Variants in ANKRD17 observed in about 807,000 individuals in gnomAD.
ANKRD17 encodes ankyrin repeat domain-containing protein 17.
Under a neutral mutation model 229.7 loss-of-function variants are expected in ANKRD17, and 19 were observed. The ratio of observed to expected loss-of-function variants is 0.08; its 90% CI spans 0.06 to 0.12. ANKRD17 has a LOEUF of 0.12. ANKRD17 is among the 10% of genes least tolerant of loss of function. The probability of loss-of-function intolerance (pLI) is 1.00; values close to 1 mark genes in which losing one functional copy is unlikely to be tolerated. For synonymous variants in ANKRD17, 1,112 were observed against 1,146.1 expected (o/e 0.97, Z 0.60); for missense variants, 2,176 against 3,176.8 (o/e 0.68, Z 7.57).
intron 21 of ANKRD17, among the ~76,000 whole-genome samples, chr4:73,119,752 G>A (rs1479352889): frequency 6.6e-6 from 1 of 152,206 alleles, no homozygotes; most frequent in Admixed American, 6.5e-5. Context: ...GATCCTGTCT[G>A]TTTATCTTAA....
chr4:73,149,600 C>T (rs1560599717), intron 7 of ANKRD17, among the ~76,000 whole-genome samples: 1 of 152,088 alleles, frequency 6.6e-6, no homozygotes, highest in African/African-American at 2.4e-5. Context: ...GGTGTGGTGG[C>T]TCACGCCTGT....
intron 1 of ANKRD17, among the ~76,000 whole-genome samples, chr4:73,183,485 ACT>A (rs1227184860): frequency 1.3e-5 from 2 of 151,978 alleles, no homozygotes; most frequent in African/African-American, 2.4e-5. Flanking sequence ...ACAGGGTCTC[ACT>A]CTGTCACGCA....
At chr4:73,222,593 T>C (rs943493984) in intron 1 of ANKRD17, among the ~76,000 whole-genome samples, 1 of 152,210 alleles carries the variant, frequency 6.6e-6, no homozygotes, top group Admixed American at 6.5e-5. Flanking sequence ...TAGGCTTAGA[T>C]ATGTAAATGA....
chr4:73,224,896 C>T (rs905172715), intron 1 of ANKRD17, among the ~76,000 whole-genome samples: 5 of 152,224 alleles, frequency 3.3e-5, no homozygotes, highest in East Asian at 1.9e-4. Flanking sequence ...TCTCATTTTA[C>T]GAATAAGGGA....
At chr4:73,192,190 A>T (rs1737203934) in intron 1 of ANKRD17, among the ~76,000 whole-genome samples, 1 of 152,068 alleles carries the variant, frequency 6.6e-6, no homozygotes, top group African/African-American at 2.4e-5. Context: ...ATATAAGTTC[A>T]CTTGGACAAA....
intron 1 of ANKRD17, among the ~76,000 whole-genome samples, chr4:73,210,913 A>G (rs1350645021): frequency 6.6e-6 from 1 of 151,988 alleles, no homozygotes; most frequent in African/African-American, 2.4e-5. Context: ...AAGTTTAATA[A>G]CTGTATATTA....
At chr4:73,163,713 T>C (rs891709652) in intron 2 of ANKRD17, among the ~76,000 whole-genome samples, 2 of 152,258 alleles carry the variant, frequency 1.3e-5, no homozygotes, top group Admixed American at 1.3e-4. Flanking sequence ...GGGGTAAGCA[T>C]GCTTTATAGC....
intron 1 of ANKRD17, among the ~76,000 whole-genome samples, chr4:73,254,620 T>A (rs964621658): frequency 6.6e-6 from 1 of 151,750 alleles, no homozygotes; most frequent in Non-Finnish European, 1.5e-5. Flanking sequence ...ATACAAAAAT[T>A]AGCCAGGCCT....
intron 2 of ANKRD17, among the ~76,000 whole-genome samples, chr4:73,177,090 T>C (rs536238503): frequency 1.3e-5 from 2 of 152,298 alleles, no homozygotes; most frequent in Admixed American, 6.5e-5. Context: ...TTAAAATGCA[T>C]TTTTGCAGGT....
chr4:73,091,528 C>G lies in ANKRD17; in HGVS notation c.6100G>C (p.Ala2034Pro). ...GATGATACTGGATAGTGTTCTTTGGCAGTAGGCATAGGATATGTGGCATTT... is the reference window on the plus strand; with the variant it reads ...GATGATACTGGATAGTGTTCTTTGGGAGTAGGCATAGGATATGTGGCATTT... ...PTNATYPMPT[A>P]KEHYPVSSPS... Residue 2034 changes from alanine (A) to proline (P), a missense_variant, in exon 29 of 34, where the codon GCC becomes CCC. By Grantham distance (27) the Ala-to-Pro change is conservative. This residue lies in a region of ANKRD17 where 424 missense variants were observed against 454.0 expected (regional missense o/e 0.93). Coordinates refer to ENST00000358602, the MANE Select transcript of ANKRD17 (RefSeq NM_032217.5). The G allele has an allele frequency of 6.2e-7, 1 of 1,614,102 alleles. No individual in the cohort carries two copies. The highest frequency in any genetic ancestry group is 1.1e-5 in the South Asian group (1 of 91,068).
intron 24 of ANKRD17, among the ~76,000 whole-genome samples, chr4:73,105,224 G>A (rs1724472766): frequency 6.6e-6 from 1 of 151,954 alleles, no homozygotes; most frequent in Non-Finnish European, 1.5e-5. Flanking sequence ...TGGATCAACA[G>A]ATACAGGATT....
At chr4:73,211,506 C>T (rs923741115) in intron 1 of ANKRD17, among the ~76,000 whole-genome samples, 7 of 152,132 alleles carry the variant, frequency 4.6e-5, no homozygotes, top group Non-Finnish European at 1.0e-4. Flanking sequence ...TACACACTAT[C>T]ATCTCAAACT....
At chr4:73,148,615 C>T (rs898125784) in intron 8 of ANKRD17, among the ~76,000 whole-genome samples, 198 bp downstream of exon 8, 5 of 152,118 alleles carry the variant, frequency 3.3e-5, no homozygotes, top group Admixed American at 6.5e-5. Context: ...TCTCTGAAAG[C>T]TCTATATGAA....
chr4:73,174,414 G>A (rs1734463211), intron 2 of ANKRD17, among the ~76,000 whole-genome samples: 1 of 152,086 alleles, frequency 6.6e-6, no homozygotes, highest in Non-Finnish European at 1.5e-5. Context: ...TAGCAAAACT[G>A]GCAGAGAAGG....
intron 25 of ANKRD17, among the ~76,000 whole-genome samples, chr4:73,100,498 A>G (rs909840975): frequency 4.0e-5 from 6 of 150,916 alleles, no homozygotes; most frequent in Admixed American, 2.6e-4. Context: ...TTTCTCGGAG[A>G]AAAAAAAATT....
At chr4:73,248,029 T>C (rs1035931367) in intron 1 of ANKRD17, among the ~76,000 whole-genome samples, 5 of 152,044 alleles carry the variant, frequency 3.3e-5, no homozygotes, top group African/African-American at 1.2e-4. Flanking sequence ...ATTTAAAATC[T>C]TAAGAATTTT....
intron 1 of ANKRD17, among the ~76,000 whole-genome samples, chr4:73,254,769 C>CA (rs202163831): frequency 0.01 from 1,135 of 111,794 alleles, 8 homozygotes; most frequent in African/African-American, 0.03. Context: ...ACTCCGTCTC[C>CA]AAAAAAAAAA....
At chr4:73,099,467 C>T (rs1723698883) in intron 25 of ANKRD17, among the ~76,000 whole-genome samples, 1 of 152,224 alleles carries the variant, frequency 6.6e-6, no homozygotes, top group African/African-American at 2.4e-5. Flanking sequence ...GCTGCATCCC[C>T]ACTCCCTTAG....
In ANKRD17 at chr4:73,146,868, T is replaced by C; in HGVS notation, c.1765A>G (p.Asn589Asp). 6.2e-7 allele frequency: 1 copy of C among 1,609,930 alleles called. No individual in the cohort carries two copies. The highest frequency in any genetic ancestry group is 8.5e-7 in the Non-Finnish European group (1 of 1,177,052). ...CCTGTTGCTGTTGTTGCATGAACGTTAGCTCCTGTAGTAGTCAACAAATAA... is the reference window on the plus strand; with the variant it reads ...CCTGTTGCTGTTGTTGCATGAACGTCAGCTCCTGTAGTAGTCAACAAATAA... ...LVKYLLAAGA[N>D]VHATTATGDT... Residue 589 changes from asparagine (N) to aspartate (D), a missense_variant, in exon 10 of 34, where the codon AAC (asparagine) becomes GAC (aspartate). This residue lies in a region of ANKRD17 where 275 missense variants were observed against 386.9 expected (regional missense o/e 0.71). Transcript: ENST00000358602.
Sources: allele counts gnomAD v4.1 joint callset (sites outside exome capture counted in the v4.1 genomes callset), GRCh38; gene constraint gnomAD v4.1.1; regional missense constraint gnomAD v4.1.1; transcripts MANE v1.5; gene names NCBI Gene and HGNC (gene_info 2026-07-23, HGNC 2026-07-21).